The following OPCML variants were observed in gnomAD, a reference collection of about 807,000 sequenced individuals.
The protein encoded by OPCML is opioid binding protein/cell adhesion molecule like, also known as opioid-binding protein/cell adhesion molecule.
Under a neutral mutation model 37.8 loss-of-function variants are expected in OPCML, and 13 were observed. The observed-to-expected ratio is 0.34, with a 90% CI of 0.22 to 0.55. The LOEUF is 0.55. Among genes scored for constraint, OPCML ranks in the 20% least tolerant of loss-of-function variants. OPCML has a pLI of 0.91. For synonymous variants in OPCML, 176 were observed against 168.8 expected, an observed-to-expected ratio of 1.04 and a Z score of -0.33; for missense variants, 341 against 435.6, an observed-to-expected ratio of 0.78 and a Z score of 1.93.
At chr11:133,021,305 A>T (rs1194496295) in intron 1 of OPCML, among the ~76,000 whole-genome samples, 1 of 152,218 alleles carries the variant, frequency 6.6e-6, no homozygotes, top group African/African-American at 2.4e-5. Context: ...TCCTAAGTCC[A>T]GACAGGAAAG....
chr11:133,447,327 T>C (rs1004753763), intron 1 of OPCML, among the ~76,000 whole-genome samples: 1 of 152,244 alleles, frequency 6.6e-6, no homozygotes, highest in African/African-American at 2.4e-5. Context: ...ATATGTTCTT[T>C]GAAGAGATAC....
intron 1 of OPCML, among the ~76,000 whole-genome samples, chr11:133,414,471 C>T (rs754592333): frequency 1.3e-5 from 2 of 152,100 alleles, no homozygotes; most frequent in Non-Finnish European, 2.9e-5. Context: ...TGTATCAGAC[C>T]GAGACCTAGT....
Position 132,880,611 on chromosome 11 carries a change from C to CA in OPCML, c.146+62314dup, listed in dbSNP as rs200737635. ...TGTAAAACATTGTTAGGCCATTTTA[C>CA]AAAAAAACTCAATTAAAACGTACAA... On this transcript the variant is annotated intron_variant, in intron 2 of 7. Transcript: ENST00000524381. Among the ~76,000 whole-genome samples the CA allele has an allele frequency of 7.1e-3, 1,080 of 152,216 alleles. 16 individuals carry two copies. Among genetic ancestry groups the CA allele is most frequent in the African/African-American group, 0.022 (907 of 41,536 alleles).
intron 1 of OPCML, among the ~76,000 whole-genome samples, chr11:133,392,037 A>C (rs1433229347): frequency 6.6e-6 from 1 of 152,216 alleles, no homozygotes; most frequent in Non-Finnish European, 1.5e-5. Context: ...TTTTTTTCAA[A>C]TTACATATAA....
intron 2 of OPCML, among the ~76,000 whole-genome samples, chr11:132,898,120 C>G (rs1324784600): frequency 6.6e-6 from 1 of 152,178 alleles, no homozygotes; most frequent in African/African-American, 2.4e-5. Context: ...CAAGGCTAAG[C>G]TAGCTACAAC....
At chr11:132,553,897 G>A (rs1056753690) in intron 3 of OPCML, among the ~76,000 whole-genome samples, 1 of 152,152 alleles carries the variant, frequency 6.6e-6, no homozygotes, top group African/African-American at 2.4e-5. Flanking sequence ...TGCAAAATGA[G>A]AAGAGAAAAG....
chr11:132,972,900 T>C (rs909355052), intron 1 of OPCML, among the ~76,000 whole-genome samples: 2 of 152,108 alleles, frequency 1.3e-5, no homozygotes, highest in African/African-American at 2.4e-5. Context: ...ATAATGTTGT[T>C]GATGGAAAAA....
chr11:132,685,391 A>G (rs1421822325), intron 2 of OPCML, among the ~76,000 whole-genome samples: 1 of 152,176 alleles, frequency 6.6e-6, no homozygotes, highest in Non-Finnish European at 1.5e-5. Context: ...ACACTTCTTT[A>G]TCAAGTTTTG....
intron 2 of OPCML, among the ~76,000 whole-genome samples, chr11:132,777,655 C>T (rs921530005): frequency 1.2e-4 from 18 of 152,030 alleles, no homozygotes; most frequent in African/African-American, 2.7e-4. Flanking sequence ...TAAAATTCAG[C>T]GCCAAAAAGA....
chr11:133,329,909 G>A (rs936099776), intron 1 of OPCML, among the ~76,000 whole-genome samples: 8 of 152,100 alleles, frequency 5.3e-5, no homozygotes, highest in South Asian at 2.1e-4. Context: ...GCAACCTACA[G>A]AATGGGAGAA....
Position 133,390,471 on chromosome 11 carries a change from C to T in OPCML, c.61+141793G>A, listed in dbSNP as rs553763650. ...GAACAAGACTCCATCTCAACAAAAA[C>T]AACAACAACGACAACAACAAAAAAG... On this transcript the variant is annotated intron_variant, in intron 1 of 7. Coordinates refer to ENST00000524381, the MANE Select transcript of OPCML (RefSeq NM_001012393.5). Among the ~76,000 whole-genome samples the T allele has an allele frequency of 2.7e-5, 4 of 150,830 alleles. No homozygotes were observed. The South Asian group carries it at 8.4e-4, about 32-fold the overall frequency.
intron 3 of OPCML, among the ~76,000 whole-genome samples, chr11:132,600,633 T>C (rs77395978): frequency 0.017 from 2,652 of 152,200 alleles, 66 homozygotes; most frequent in African/African-American, 0.06. Context: ...AACAAGAAAA[T>C]AATTGGGGAC....
chr11:133,257,848 C>CTT (rs5795832), intron 1 of OPCML, among the ~76,000 whole-genome samples: 48 of 145,838 alleles, frequency 3.3e-4, no homozygotes, highest in East Asian at 1.6e-3. Flanking sequence ...GTCTTTCTAT[C>CTT]TTTTTTTTTT....
At chr11:132,464,480 T>A (rs1224792666) in intron 4 of OPCML, among the ~76,000 whole-genome samples, 1 of 152,202 alleles carries the variant, frequency 6.6e-6, no homozygotes, top group Non-Finnish European at 1.5e-5. Context: ...CATGGCTTAA[T>A]CTCTAATGTC....
chr11:132,891,596 C>A (rs1591762258), intron 2 of OPCML, among the ~76,000 whole-genome samples: 1 of 152,094 alleles, frequency 6.6e-6, no homozygotes, highest in East Asian at 1.9e-4. Context: ...ACTAGAATAT[C>A]AACGCCATGA....
At chr11:133,081,250 C>G (rs1375983107) in intron 1 of OPCML, among the ~76,000 whole-genome samples, 1 of 152,092 alleles carries the variant, frequency 6.6e-6, no homozygotes, top group Non-Finnish European at 1.5e-5. Flanking sequence ...GCTCTTTGAA[C>G]AGTTAATTCT....
intron 2 of OPCML, among the ~76,000 whole-genome samples, chr11:132,663,585 T>C (rs1445892771): frequency 2.6e-5 from 4 of 152,220 alleles, no homozygotes; most frequent in Non-Finnish European, 5.9e-5. Flanking sequence ...CCTTGCATCA[T>C]ATCAGGCTGA....
chr11:133,218,531 A>T (rs1939681825), intron 1 of OPCML, among the ~76,000 whole-genome samples: 1 of 152,196 alleles, frequency 6.6e-6, no homozygotes. Context: ...TCAAAAACAA[A>T]GACGGTGAAC....
At chr11:132,695,108 T>C (rs1245933823) in intron 2 of OPCML, among the ~76,000 whole-genome samples, 6 of 152,174 alleles carry the variant, frequency 3.9e-5, no homozygotes, top group African/African-American at 1.2e-4. Context: ...TTCCGTGCCC[T>C]TGAGACACTT....
Sources: allele counts gnomAD v4.1 joint callset (sites outside exome capture counted in the v4.1 genomes callset), GRCh38; gene constraint gnomAD v4.1.1; transcripts MANE v1.5; gene names NCBI Gene and HGNC (gene_info 2026-07-23, HGNC 2026-07-21).